The following C6orf118 variants were observed in gnomAD, a reference collection of about 807,000 sequenced individuals.
The protein encoded by C6orf118 is chromosome 6 open reading frame 118, also known as uncharacterized protein C6orf118.
Under a neutral mutation model 50.2 loss-of-function variants are expected in C6orf118, and 50 were observed. The ratio of observed to expected loss-of-function variants is 1.00; its 90% CI spans 0.79 to 1.26. C6orf118 has a LOEUF of 1.26. Among genes scored for constraint, C6orf118 ranks in the 50% most tolerant of loss-of-function variants. C6orf118 has a pLI of 0.00. For synonymous variants in C6orf118, 239 were observed against 230.9 expected (o/e 1.03, Z -0.32); for missense variants, 641 against 578.7 (o/e 1.11, Z -1.10).
chr6:165,302,512 C>T (rs900553360), intron 1 of C6orf118, among the ~76,000 whole-genome samples: 60 of 152,162 alleles, frequency 3.9e-4, no homozygotes, highest in Non-Finnish European at 4.4e-5. Context: ...CCAGGATGTG[C>T]AAGTCAACCC....
chr6:165,300,612 GC>G (rs1238099638), intron 2 of C6orf118, 126 bp from the exon 3 acceptor site: 3 of 756,396 alleles, frequency 4.0e-6, no homozygotes, highest in Admixed American at 2.5e-5. Context: ...GGCACAGGGG[GC>G]CAGTCTCGGG....
At chr6:165,309,233 C>T (rs1433180812) in intron 1 of C6orf118, among the ~76,000 whole-genome samples, 1 of 152,194 alleles carries the variant, frequency 6.6e-6, no homozygotes, top group Non-Finnish European at 1.5e-5. Context: ...AGCCTGCAAC[C>T]TGCCGCTTCG....
intron 1 of C6orf118, among the ~76,000 whole-genome samples, chr6:165,308,184 T>G (rs67352322): frequency 0.18 from 27,673 of 152,202 alleles, 2,601 homozygotes; most frequent in Non-Finnish European, 0.22. Flanking sequence ...CTGGCCACCC[T>G]GACGCCAGAG....
At chr6:165,301,444 C>A in intron 2 of C6orf118, 125 bp downstream of exon 2, 1 of 1,333,446 alleles carries the variant, frequency 7.5e-7, no homozygotes, top group Non-Finnish European at 1.0e-6. Context: ...AACACTGCCC[C>A]AAGAGCTATG....
In C6orf118 at chr6:165,301,697, C is replaced by T. The variant is rs779640612; in HGVS notation, c.625G>A (p.Ala209Thr). ...HHYVSSYLAG[A>T]TSADRYRMFL... ...ATCCTGTACCTGTCTGCGCTGGTGG[C>T]TCCGGCCAGGTAGGAGCTGACATAG... The change falls in exon 2 of 9, where the codon GCC (alanine) becomes ACC (threonine). Residue 209 changes from alanine (A) to threonine (T), a missense_variant. By Grantham distance (58) the Ala-to-Thr change is moderately conservative (BLOSUM62 0). Coordinates refer to ENST00000230301, the MANE Select transcript of C6orf118 (RefSeq NM_144980.4). 22 of 1,614,078 alleles carry T rather than the reference C, an allele frequency of 1.4e-5. No individual in the cohort carries two copies. In the Admixed American group the frequency reaches 3.5e-4, roughly 26 times the overall value.
At chr6:165,288,351 AC>A (rs1170851220) in intron 7 of C6orf118, among the ~76,000 whole-genome samples, 4 of 152,240 alleles carry the variant, frequency 2.6e-5, no homozygotes, top group African/African-American at 9.6e-5. Flanking sequence ...AATTAATTCA[AC>A]CATCGTGGAA....
intron 7 of C6orf118, among the ~76,000 whole-genome samples, chr6:165,283,263 G>A (rs1779792000): frequency 6.6e-6 from 1 of 152,164 alleles, no homozygotes; most frequent in Non-Finnish European, 1.5e-5. Flanking sequence ...TCCCAGCCAA[G>A]GGAGGCAGTG....
intron 1 of C6orf118, among the ~76,000 whole-genome samples, chr6:165,309,257 T>C (rs1434789621): frequency 1.3e-5 from 2 of 152,136 alleles, no homozygotes; most frequent in Non-Finnish European, 2.9e-5. Flanking sequence ...CTCCTCCTCC[T>C]CCTCCTCTTC....
At chr6:165,306,535 C>CAAAAA (rs60755206) in intron 1 of C6orf118, among the ~76,000 whole-genome samples, 6 of 39,710 alleles carry the variant, frequency 1.5e-4, no homozygotes, top group East Asian at 1.2e-3. Flanking sequence ...TAGGTGAATG[C>CAAAAA]AAAAAAAAAA....
intron 5 of C6orf118, among the ~76,000 whole-genome samples, chr6:165,296,054 A>C (rs1364073785): frequency 6.6e-6 from 1 of 151,844 alleles, no homozygotes; most frequent in Non-Finnish European, 1.5e-5. Flanking sequence ...GCCTCCATCT[A>C]TCTCCACTGT....
At chr6:165,286,041 TAAAGAAGAAAAG>T (rs1779893497) in intron 7 of C6orf118, among the ~76,000 whole-genome samples, 3 of 150,296 alleles carry the variant, frequency 2.0e-5, no homozygotes, top group African/African-American at 7.4e-5. Context: ...GCTAGATTAA[TAAAGAAGAAAAG>T]AGAGAAGAAT....
intron 5 of C6orf118, among the ~76,000 whole-genome samples, chr6:165,294,421 A>C (rs1313857677): frequency 1.3e-5 from 2 of 152,196 alleles, no homozygotes; most frequent in African/African-American, 4.8e-5. Context: ...GGAGTCTAAC[A>C]GGTATTACAT....
chr6:165,306,487 T>TA (rs148314295), intron 1 of C6orf118, among the ~76,000 whole-genome samples: 66 of 80,720 alleles, frequency 8.2e-4, no homozygotes, highest in Middle Eastern at 0.011. Context: ...AAAAAAATTA[T>TA]AAAAAAAAAA....
Position 165,301,643 on chromosome 6 carries a change from C to T in C6orf118, c.679G>A (p.Ala227Thr), listed in dbSNP as rs1780543232. 3.7e-6 allele frequency: 6 copies of T among 1,614,136 alleles called. No homozygotes were observed. The highest frequency in any genetic ancestry group is 1.1e-5 in the South Asian group (1 of 91,078). The change falls in exon 2 of 9, where the codon GCC (alanine) becomes ACC (threonine). Residue 227 changes from alanine to threonine, a missense_variant. Ala to Thr is a moderately conservative substitution (Grantham distance 58, BLOSUM62 0). Coordinates refer to ENST00000230301, the MANE Select transcript of C6orf118 (RefSeq NM_144980.4). ...TCATTCTTCAGGAGATCTTGCTTGG[C>T]GAGCACTTCCTTCTGGAAACGCAGG... is the stretch of plus-strand genomic sequence containing the variant. ...MFLRFQKEVL[A>T]KQDLLKNDFT...
chr6:165,301,652 C>T lies in C6orf118; in HGVS notation c.670G>A (p.Glu224Lys). ...RYRMFLRFQK[E>K]VLAKQDLLKN... ...AGGAGATCTTGCTTGGCGAGCACTT[C>T]CTTCTGGAAACGCAGGAACATCCTG... Residue 224 changes from glutamate to lysine, a missense_variant, in exon 2 of 9, where the codon GAA becomes AAA. Physicochemically the swap from Glu to Lys is moderately conservative, Grantham distance 56. Transcript: ENST00000230301. 2 of 1,614,166 alleles carry T rather than the reference C, an allele frequency of 1.2e-6. No homozygotes were observed. Among genetic ancestry groups the T allele is most frequent in the Non-Finnish European group, 8.5e-7 (1 of 1,180,024 alleles).
chr6:165,303,474 G>A (rs1273312032), intron 1 of C6orf118, among the ~76,000 whole-genome samples: 5 of 147,260 alleles, frequency 3.4e-5, no homozygotes, highest in African/African-American at 1.3e-4. Context: ...TAAAATCAGA[G>A]CAGATCTGAA....
intron 7 of C6orf118, among the ~76,000 whole-genome samples, chr6:165,288,590 A>G (rs1002910516): frequency 6.6e-6 from 1 of 152,170 alleles, no homozygotes; most frequent in Non-Finnish European, 1.5e-5. Context: ...TACACCATGG[A>G]ATACTATGCA....
At chr6:165,295,671 T>C (rs886799518) in intron 5 of C6orf118, among the ~76,000 whole-genome samples, 3 of 152,082 alleles carry the variant, frequency 2.0e-5, no homozygotes, top group African/African-American at 7.2e-5. Flanking sequence ...CGGTGTTGTT[T>C]TGATTTCCTT....
intron 6 of C6orf118, chr6:165,293,204 A>G: frequency 3.8e-6 from 2 of 532,700 alleles, no homozygotes; most frequent in South Asian, 5.9e-5. Context: ...GTAATAATGA[A>G]AAGATGAAGA....
Sources: gnomAD v4.1 joint callset for allele counts (sites outside exome capture counted in the v4.1 genomes callset) on GRCh38, gnomAD v4.1.1 for gene constraint, MANE v1.5 for transcripts, NCBI Gene and HGNC (gene_info 2026-07-23, HGNC 2026-07-21) for gene names.